The following TMPRSS11F variants were observed in gnomAD, a reference collection of about 807,000 sequenced individuals.
The protein encoded by TMPRSS11F is transmembrane serine protease 11F, also known as transmembrane protease serine 11F.
TMPRSS11F carries 47 observed loss-of-function variants against 60.2 expected under a neutral mutation model. That is an observed-to-expected ratio of 0.78 (90% CI 0.62 to 1.00). The LOEUF (loss-of-function observed/expected upper bound fraction) is 1.00, where lower values mean the gene tolerates loss of function less well. Ranked by LOEUF, TMPRSS11F falls within the 50% of genes least tolerant of loss-of-function variation. TMPRSS11F has a pLI of 0.00. For synonymous variants in TMPRSS11F, 166 were observed against 167.3 expected, an observed-to-expected ratio of 0.99 and a Z score of 0.06; for missense variants, 519 against 522.9, an observed-to-expected ratio of 0.99 and a Z score of 0.07.
At chr4:68,112,573 T>A (rs1419907615) in intron 1 of TMPRSS11F, among the ~76,000 whole-genome samples, 1 of 152,174 alleles carries the variant, frequency 6.6e-6, no homozygotes, top group East Asian at 1.9e-4. Context: ...GTGAGACTCC[T>A]GCCTCTAAAA....
chr4:68,089,070 C>T (rs757363813), intron 3 of TMPRSS11F, among the ~76,000 whole-genome samples: 10 of 151,814 alleles, frequency 6.6e-5, no homozygotes, highest in Non-Finnish European at 1.0e-4. Flanking sequence ...GAAACTTACA[C>T]GGAACCAAAA....
intron 1 of TMPRSS11F, among the ~76,000 whole-genome samples, chr4:68,124,547 T>G (rs747037931): frequency 6.6e-6 from 1 of 152,206 alleles, no homozygotes; most frequent in Admixed American, 6.5e-5. Flanking sequence ...ATTTTAGTTT[T>G]TATTGATTCA....
intron 8 of TMPRSS11F, chr4:68,063,261 A>C: frequency 1.8e-6 from 1 of 566,540 alleles, no homozygotes; most frequent in Non-Finnish European, 3.5e-6. Flanking sequence ...TCCACCTTCA[A>C]TCGCCATGAT....
At chr4:68,060,744 C>T (rs1242377069) in intron 8 of TMPRSS11F, among the ~76,000 whole-genome samples, 1 of 151,422 alleles carries the variant, frequency 6.6e-6, no homozygotes, top group African/African-American at 2.4e-5. Flanking sequence ...TCCAATATAC[C>T]TTTTGTATTT....
chr4:68,067,678 T>G (rs1723359791), intron 7 of TMPRSS11F, among the ~76,000 whole-genome samples: 1 of 152,130 alleles, frequency 6.6e-6, no homozygotes, highest in African/African-American at 2.4e-5. Context: ...CATATATAAG[T>G]GAGTCCCTTT....
At chr4:68,073,912 A>G (rs762166118) in intron 4 of TMPRSS11F, 30 bp downstream of exon 4, 1 of 1,406,710 alleles carries the variant, frequency 7.1e-7, no homozygotes, top group Non-Finnish European at 9.8e-7. Context: ...TAACAGTATT[A>G]ACTTGAAATT....
intron 8 of TMPRSS11F, chr4:68,062,307 T>C (rs2109832384): frequency 2.3e-6 from 1 of 443,644 alleles, no homozygotes; most frequent in Non-Finnish European, 4.4e-6. Flanking sequence ...GGAGGACTGT[T>C]AGTTTAACAA....
chr4:68,109,206 G>A (rs1724360233), intron 1 of TMPRSS11F, among the ~76,000 whole-genome samples: 2 of 151,998 alleles, frequency 1.3e-5, no homozygotes, highest in East Asian at 1.9e-4. Context: ...GTAACCTAAC[G>A]CTATTCTAGG....
At chr4:68,068,912 G>T in intron 6 of TMPRSS11F, 93 bp from the exon 7 acceptor site, 2 of 1,300,126 alleles carry the variant, frequency 1.5e-6, no homozygotes. Flanking sequence ...CTTTGTCCCT[G>T]CTACCATGTG....
intron 1 of TMPRSS11F, among the ~76,000 whole-genome samples, chr4:68,107,802 T>A (rs1457261150): frequency 2.0e-5 from 3 of 152,128 alleles, no homozygotes; most frequent in African/African-American, 7.2e-5. Flanking sequence ...CTGGGTGTGG[T>A]AGCACTTGCC....
chr4:68,108,792 C>G (rs1724351577), intron 1 of TMPRSS11F, among the ~76,000 whole-genome samples: 5 of 152,168 alleles, frequency 3.3e-5, no homozygotes, highest in Admixed American at 3.3e-4. Context: ...AGAAGTTAGT[C>G]TTTGATAAAG....
chr4:68,076,540 G>A (rs931364941), intron 3 of TMPRSS11F, among the ~76,000 whole-genome samples: 2 of 152,062 alleles, frequency 1.3e-5, no homozygotes, highest in Non-Finnish European at 2.9e-5. Context: ...TAGTCTCTTT[G>A]TACCCTTTTA....
At chr4:68,080,314 C>T (rs1487686280) in intron 3 of TMPRSS11F, 1 of 152,170 alleles carries the variant, frequency 6.6e-6, no homozygotes, top group Non-Finnish European at 1.5e-5. Context: ...TTCCTTCTTT[C>T]TTATGAAATT....
At chr4:68,077,739 G>A (rs1268584540) in intron 3 of TMPRSS11F, 1 of 152,268 alleles carries the variant, frequency 6.6e-6, no homozygotes, top group Non-Finnish European at 1.5e-5. Context: ...CGATTCACAA[G>A]TGTAACACTA....
At chr4:68,093,168 G>T (rs903573771) in intron 2 of TMPRSS11F, among the ~76,000 whole-genome samples, 1 of 152,206 alleles carries the variant, frequency 6.6e-6, no homozygotes, top group African/African-American at 2.4e-5. Context: ...ATATTTGTGA[G>T]AAATTACTAC....
At chr4:68,097,568 T>C (rs1007265788) in intron 2 of TMPRSS11F, among the ~76,000 whole-genome samples, 2 of 144,978 alleles carry the variant, frequency 1.4e-5, no homozygotes, top group African/African-American at 2.4e-5. Context: ...TTTTGCTACA[T>C]AAGGTAACAT....
chr4:68,096,172 A>G (rs1432374886), intron 2 of TMPRSS11F, among the ~76,000 whole-genome samples: 1 of 152,130 alleles, frequency 6.6e-6, no homozygotes, highest in African/African-American at 2.4e-5. Context: ...GATGCTTGCA[A>G]CAATGTTGAG....
intron 7 of TMPRSS11F, 108 bp downstream of exon 7, chr4:68,068,510 T>C (rs2109840754): frequency 2.2e-6 from 2 of 899,576 alleles, no homozygotes; most frequent in Non-Finnish European, 3.6e-6. Context: ...AGGTCTACCC[T>C]GAATGGAGCA....
intron 5 of TMPRSS11F, among the ~76,000 whole-genome samples, chr4:68,070,588 T>C (rs1723437103): frequency 6.6e-6 from 1 of 152,234 alleles, no homozygotes; most frequent in South Asian, 2.1e-4. Context: ...CAGCAGGCAC[T>C]AGAGGCATGA....
Sources: allele counts gnomAD v4.1 joint callset (sites outside exome capture counted in the v4.1 genomes callset), GRCh38; gene constraint gnomAD v4.1.1; transcripts MANE v1.5; gene names NCBI Gene and HGNC (gene_info 2026-07-23, HGNC 2026-07-21).